The following RFC3 variants were observed in gnomAD, a reference collection of about 807,000 sequenced individuals.
The protein encoded by RFC3 is A1 38 kDa subunit.
RFC3 carries 41 observed loss-of-function variants against 45.1 expected under a neutral mutation model. That is an observed-to-expected ratio of 0.91 (90% CI 0.71 to 1.18). RFC3 has a LOEUF of 1.18. Among genes scored for constraint, RFC3 ranks in the 50% most tolerant of loss-of-function variants. The pLI is 0.00. For synonymous variants in RFC3, 149 were observed against 144.0 expected (o/e 1.03, Z -0.25); for missense variants, 423 against 428.1 (o/e 0.99, Z 0.10).
intron 8 of RFC3, among the ~76,000 whole-genome samples, chr13:33,879,390 A>G (rs2082467721): frequency 6.6e-6 from 1 of 152,202 alleles, no homozygotes. Flanking sequence ...CAGGCAAACA[A>G]CTGTACTACA....
chr13:33,819,200 A>G (rs570315217), intron 1 of RFC3, among the ~76,000 whole-genome samples: 5 of 151,964 alleles, frequency 3.3e-5, no homozygotes, highest in Admixed American at 2.0e-4. Context: ...CTGAGATTAG[A>G]GCTTTGTGAA....
intron 8 of RFC3, among the ~76,000 whole-genome samples, chr13:33,906,408 G>A (rs1235689094): frequency 1.3e-5 from 2 of 151,698 alleles, no homozygotes; most frequent in African/African-American, 2.4e-5. Context: ...CCAGCTTTCC[G>A]GGAGATACCC....
chr13:33,951,519 AC>A (rs1461344565), intron 8 of RFC3, among the ~76,000 whole-genome samples: 2 of 152,024 alleles, frequency 1.3e-5, no homozygotes, highest in African/African-American at 4.8e-5. Context: ...GGCATGAGCC[AC>A]CACACCCAGC....
chr13:33,886,530 A>G (rs532144570), intron 8 of RFC3, among the ~76,000 whole-genome samples: 6 of 148,456 alleles, frequency 4.0e-5, no homozygotes, highest in Non-Finnish European at 7.4e-5. Flanking sequence ...GCAAGACTCC[A>G]TCTGAAAAAA....
intron 4 of RFC3, among the ~76,000 whole-genome samples, chr13:33,827,320 T>A (rs1458041127): frequency 6.6e-6 from 1 of 152,108 alleles, no homozygotes; most frequent in African/African-American, 2.4e-5. Context: ...TGTTCTGCAT[T>A]TCTAGAGTAA....
chr13:33,863,774 A>G (rs1301387542), intron 8 of RFC3, among the ~76,000 whole-genome samples: 1 of 152,086 alleles, frequency 6.6e-6, no homozygotes, highest in African/African-American at 2.4e-5. Context: ...TGCTTTTTGT[A>G]TGTGAGGTTG....
chr13:33,863,609 G>A (rs1419829772), intron 8 of RFC3, among the ~76,000 whole-genome samples: 1 of 152,192 alleles, frequency 6.6e-6, no homozygotes, highest in African/African-American at 2.4e-5. Flanking sequence ...TTCTGTCTCT[G>A]TACAGAGGTT....
At chr13:33,849,312 G>A (rs9528242) in intron 8 of RFC3, 116,944 of 152,066 alleles carry the variant, frequency 0.77, 47,420 homozygotes, top group Non-Finnish European at 0.92. Flanking sequence ...ATGGAGGTGA[G>A]GTGGGATAGA....
At chr13:33,854,771 A>G (rs1208741678) in intron 8 of RFC3, among the ~76,000 whole-genome samples, 1 of 152,152 alleles carries the variant, frequency 6.6e-6, no homozygotes, top group Non-Finnish European at 1.5e-5. Context: ...TGATGGGAAG[A>G]AAGAACCCAC....
chr13:33,829,968 T>C lies in RFC3; in HGVS notation c.524T>C (p.Ile175Thr), dbSNP rs2082086944. ...TCTACATCTAAAGTGATCCCACCTATTCGTAGTAGGTGCTTGGCGGTTCGT... is the reference window on the plus strand; with the variant it reads ...TCTACATCTAAAGTGATCCCACCTACTCGTAGTAGGTGCTTGGCGGTTCGT... ...CNSTSKVIPP[I>T]RSRCLAVRVP... Residue 175 changes from isoleucine to threonine, a missense_variant, in exon 5 of 9, where the codon ATT becomes ACT. Ile to Thr is a moderately conservative substitution (Grantham distance 89). Coordinates refer to ENST00000380071, the MANE Select transcript of RFC3 (RefSeq NM_002915.4). 6.2e-7 allele frequency: 1 copy of C among 1,613,946 alleles called. No homozygotes were observed. The highest frequency in any genetic ancestry group is 1.7e-5 in the Admixed American group (1 of 60,008).
intron 2 of RFC3, 102 bp downstream of exon 2, chr13:33,821,371 T>A: frequency 8.8e-7 from 1 of 1,142,564 alleles, no homozygotes; most frequent in Non-Finnish European, 1.3e-6. Flanking sequence ...ATGTATGATT[T>A]AAATAAGAAT....
At chr13:33,957,960 A>T (rs1042550373) in intron 8 of RFC3, among the ~76,000 whole-genome samples, 3 of 152,202 alleles carry the variant, frequency 2.0e-5, no homozygotes, top group African/African-American at 7.2e-5. Flanking sequence ...AACCAGGCAG[A>T]TGCTGCACCT....
chr13:33,949,477 C>A (rs1054637417), intron 8 of RFC3, among the ~76,000 whole-genome samples: 3 of 152,166 alleles, frequency 2.0e-5, no homozygotes, highest in Non-Finnish European at 2.9e-5. Flanking sequence ...GTACTCAATT[C>A]TGAATAACAA....
At chr13:33,911,766 C>T (rs1448440979) in intron 8 of RFC3, among the ~76,000 whole-genome samples, 1 of 152,028 alleles carries the variant, frequency 6.6e-6, no homozygotes, top group Admixed American at 6.6e-5. Flanking sequence ...TCTCTCACTA[C>T]CACAAGAACA....
intron 8 of RFC3, among the ~76,000 whole-genome samples, chr13:33,844,446 GGTT>G (rs2082223200): frequency 6.6e-6 from 1 of 151,762 alleles, no homozygotes. Flanking sequence ...TTTGTTTTCT[GGTT>G]GTTTTGTGGC....
chr13:33,911,851 T>C (rs1260548280), intron 8 of RFC3, among the ~76,000 whole-genome samples: 1 of 152,032 alleles, frequency 6.6e-6, no homozygotes, highest in African/African-American at 2.4e-5. Flanking sequence ...CCAATACCAT[T>C]ATATTGGGAA....
At chr13:33,880,251 T>C (rs1326457709) in intron 8 of RFC3, among the ~76,000 whole-genome samples, 1 of 152,238 alleles carries the variant, frequency 6.6e-6, no homozygotes, top group Non-Finnish European at 1.5e-5. Flanking sequence ...CTGATATGTT[T>C]ATATAAAAGA....
At chr13:33,875,943 A>G (rs1300722349) in intron 8 of RFC3, among the ~76,000 whole-genome samples, 1 of 152,146 alleles carries the variant, frequency 6.6e-6, no homozygotes, top group African/African-American at 2.4e-5. Flanking sequence ...AAACAACTTG[A>G]AAGTGTTTAG....
chr13:33,945,357 G>A (rs532543116), intron 8 of RFC3, among the ~76,000 whole-genome samples: 2 of 152,054 alleles, frequency 1.3e-5, no homozygotes, highest in East Asian at 3.9e-4. Flanking sequence ...TCCTTACGAG[G>A]GATTCTGATT....
Sources: gnomAD v4.1 joint callset for allele counts (sites outside exome capture counted in the v4.1 genomes callset) on GRCh38, gnomAD v4.1.1 for gene constraint, MANE v1.5 for transcripts, NCBI Gene and HGNC (gene_info 2026-07-23, HGNC 2026-07-21) for gene names.